The following IL22RA2 variants were observed in gnomAD, a reference collection of about 807,000 sequenced individuals.
The protein encoded by IL22RA2 is interleukin 22 receptor subunit alpha 2, also known as interleukin-22 receptor subunit alpha-2.
In IL22RA2, 39 loss-of-function variants were observed where a neutral mutation model predicts 30.7. The ratio of observed to expected loss-of-function variants is 1.27; its 90% CI spans 0.98 to 1.66. The LOEUF (loss-of-function observed/expected upper bound fraction) is 1.66. Among genes scored for constraint, IL22RA2 ranks in the 40% most tolerant of loss-of-function variants. The probability of loss-of-function intolerance (pLI) is 0.00; values close to 1 mark genes in which losing one functional copy is unlikely to be tolerated. For missense variants in IL22RA2, 315 were observed against 312.7 expected (o/e 1.01, Z -0.05); for synonymous variants, 103 against 105.0 (o/e 0.98, Z 0.11).
intron 1 of IL22RA2, among the ~76,000 whole-genome samples, chr6:137,165,701 G>A (rs1442702168): frequency 1.3e-5 from 2 of 152,150 alleles, no homozygotes; most frequent in Non-Finnish European, 1.5e-5. Flanking sequence ...CGGTGCCCTT[G>A]TTAGGAAGAG....
At chr6:137,150,119 C>T (rs1380753680) in intron 5 of IL22RA2, among the ~76,000 whole-genome samples, 2 of 152,256 alleles carry the variant, frequency 1.3e-5, no homozygotes, top group Non-Finnish European at 2.9e-5. Context: ...TCTAGATAGA[C>T]ACCATAAATC....
intron 5 of IL22RA2, among the ~76,000 whole-genome samples, chr6:137,148,411 G>A (rs1184927805): frequency 6.6e-6 from 1 of 152,142 alleles, no homozygotes; most frequent in Non-Finnish European, 1.5e-5. Flanking sequence ...AGCCCTTGGA[G>A]GTTCTAAGAC....
At chr6:137,162,779 C>T (rs1468194041) in intron 1 of IL22RA2, among the ~76,000 whole-genome samples, 1 of 152,126 alleles carries the variant, frequency 6.6e-6, no homozygotes. Context: ...TCCAGTTTCT[C>T]AGAAAGAAAC....
intron 2 of IL22RA2, among the ~76,000 whole-genome samples, chr6:137,159,958 AGT>A: frequency 6.6e-6 from 1 of 152,218 alleles, no homozygotes; most frequent in African/African-American, 2.4e-5. Flanking sequence ...CCAACCAAAT[AGT>A]GTGAATACTG....
chr6:137,168,502 G>T (rs965377693), intron 1 of IL22RA2, among the ~76,000 whole-genome samples: 3 of 152,116 alleles, frequency 2.0e-5, no homozygotes, highest in Non-Finnish European at 4.4e-5. Flanking sequence ...AATAATATTT[G>T]GACCATCTGT....
intron 2 of IL22RA2, among the ~76,000 whole-genome samples, chr6:137,160,372 T>C (rs1357327443): frequency 6.6e-6 from 1 of 152,218 alleles, no homozygotes; most frequent in Non-Finnish European, 1.5e-5. Flanking sequence ...CATTATGGTC[T>C]TCCTCTTACA....
chr6:137,156,932 T>G, intron 3 of IL22RA2, 78 bp from the exon 4 acceptor site: 4 of 1,557,524 alleles, frequency 2.6e-6, no homozygotes, highest in Non-Finnish European at 3.5e-6. Context: ...CAACAACCAC[T>G]CTCATAGAAA....
chr6:137,167,137 A>G (rs1778641986), intron 1 of IL22RA2, among the ~76,000 whole-genome samples: 1 of 152,260 alleles, frequency 6.6e-6, no homozygotes, highest in Admixed American at 6.5e-5. Flanking sequence ...ACAATGGCCC[A>G]GCATTTGTGG....
chr6:137,160,294 C>G (rs550402090), intron 2 of IL22RA2, among the ~76,000 whole-genome samples: 10 of 152,332 alleles, frequency 6.6e-5, no homozygotes, highest in African/African-American at 2.2e-4. Flanking sequence ...CTGCACCAGG[C>G]ACTGAGGGAC....
intron 1 of IL22RA2, among the ~76,000 whole-genome samples, chr6:137,166,553 G>A (rs28741383): frequency 0.01 from 1,551 of 152,238 alleles, 15 homozygotes; most frequent in Non-Finnish European, 0.017. Context: ...CAATGACAGC[G>A]ATAACTAAGA....
At chr6:137,156,948 C>A in intron 3 of IL22RA2, 94 bp from the exon 4 acceptor site, 2 of 1,518,752 alleles carry the variant, frequency 1.3e-6, no homozygotes, top group South Asian at 1.2e-5. Flanking sequence ...AGAAACATTT[C>A]CATGACAAAT....
In IL22RA2 at chr6:137,146,367, A is replaced by T. The variant is rs1211767666; in HGVS notation, c.643-594T>A. ...GAATTTGAAGTGTGCAGTGAGAATG[A>T]TGTGCAGCGAGATGAGCAGAGATAA... On this transcript the variant is annotated intron_variant, in intron 6 of 6. Coordinates refer to ENST00000296980, the MANE Select transcript of IL22RA2 (RefSeq NM_052962.3). Among the ~76,000 whole-genome samples, 3 of 152,094 alleles carry T rather than the reference A, an allele frequency of 2.0e-5. No individual in the cohort carries two copies. In the East Asian group the frequency reaches 5.8e-4, roughly 29 times the overall value.
At chr6:137,173,087 T>C (rs770761169) in intron 1 of IL22RA2, among the ~76,000 whole-genome samples, 2 of 152,236 alleles carry the variant, frequency 1.3e-5, no homozygotes, top group African/African-American at 2.4e-5. Context: ...ATCTACAAGA[T>C]GTGGCCAGAC....
intron 3 of IL22RA2, among the ~76,000 whole-genome samples, 159 bp downstream of exon 3, chr6:137,158,188 G>A (rs546941763): frequency 4.8e-4 from 73 of 152,254 alleles, no homozygotes; most frequent in African/African-American, 1.7e-3. Context: ...GAGTCCCCAG[G>A]CAGCCTTCAG....
chr6:137,145,933 C>T (rs1366597608), intron 6 of IL22RA2, among the ~76,000 whole-genome samples, 160 bp from the exon 7 acceptor site: 7 of 152,180 alleles, frequency 4.6e-5, no homozygotes, highest in African/African-American at 1.7e-4. Context: ...TAGGCCATAG[C>T]CTGGTAAAGG....
Position 137,158,304 on chromosome 6 carries a change from C to T in IL22RA2, c.197+43G>A, listed in dbSNP as rs1252558735. On this transcript the variant is annotated intron_variant, in intron 3 of 6. Coordinates refer to ENST00000296980, the MANE Select transcript of IL22RA2 (RefSeq NM_052962.3). ...CCATTGCATTCTAGAACATGTTATC[C>T]CAGTGCCATCTCTATCAGCTGAAGG... 4 of 1,609,150 alleles carry T rather than the reference C, an allele frequency of 2.5e-6. No individual in the cohort carries two copies. In the South Asian group the frequency reaches 3.3e-5, roughly 13 times the overall value.
At chr6:137,164,401 T>G (rs1229075350) in intron 1 of IL22RA2, among the ~76,000 whole-genome samples, 3 of 152,204 alleles carry the variant, frequency 2.0e-5, no homozygotes, top group Non-Finnish European at 4.4e-5. Context: ...CAGGCCTACT[T>G]TGAGATCTAC....
At chr6:137,172,358 C>T (rs1233921344) in intron 1 of IL22RA2, among the ~76,000 whole-genome samples, 4 of 152,198 alleles carry the variant, frequency 2.6e-5, no homozygotes, top group Non-Finnish European at 5.9e-5. Flanking sequence ...AGCTTTGGTG[C>T]TCTATTAAAT....
chr6:137,145,857 A>G (rs1401683169), intron 6 of IL22RA2, 84 bp from the exon 7 acceptor site: 2 of 1,408,824 alleles, frequency 1.4e-6, no homozygotes, highest in Non-Finnish European at 1.0e-6. Flanking sequence ...AACAAGTTGT[A>G]CATGGTCACA....
Sources: gnomAD v4.1 joint callset for allele counts (sites outside exome capture counted in the v4.1 genomes callset) on GRCh38, gnomAD v4.1.1 for gene constraint, MANE v1.5 for transcripts, NCBI Gene and HGNC (gene_info 2026-07-23, HGNC 2026-07-21) for gene names.